Variants in LCLAT1 observed in about 807,000 individuals in gnomAD.
LCLAT1 encodes lysocardiolipin acyltransferase 1, also known as 1-AGP acyltransferase 8.
In LCLAT1, 11 loss-of-function variants were observed where a neutral mutation model predicts 30.7. That is an observed-to-expected ratio of 0.36 (90% CI 0.23 to 0.59). LCLAT1 has a LOEUF of 0.59. LCLAT1 is among the 20% of genes least tolerant of loss of function. LCLAT1 has a pLI of 0.77. For missense variants in LCLAT1, 402 were observed against 458.6 expected, an observed-to-expected ratio of 0.88 and a Z score of 1.13; for synonymous variants, 155 against 151.3, an observed-to-expected ratio of 1.02 and a Z score of -0.18.
At chr2:30,539,547 A>T (rs1370615559) in intron 3 of LCLAT1, among the ~76,000 whole-genome samples, 1 of 152,130 alleles carries the variant, frequency 6.6e-6, no homozygotes, top group Non-Finnish European at 1.5e-5. Context: ...TCTTCAACTT[A>T]TTTAAGAACA....
At chr2:30,596,410 T>C (rs183636452) in intron 5 of LCLAT1, among the ~76,000 whole-genome samples, 3 of 152,300 alleles carry the variant, frequency 2.0e-5, no homozygotes, top group Admixed American at 6.5e-5. Context: ...GAGCTTTTTT[T>C]CATAAGTTTA....
chr2:30,499,870 A>T (rs993823458), intron 1 of LCLAT1, among the ~76,000 whole-genome samples: 1 of 152,214 alleles, frequency 6.6e-6, no homozygotes, highest in African/African-American at 2.4e-5. Flanking sequence ...TATTAATGGT[A>T]AGAATGTGCT....
chr2:30,640,431 T>G lies in LCLAT1; in HGVS notation c.943T>G (p.Trp315Gly). The change falls in exon 6 of 6, where the codon TGG becomes GGG. Residue 315 changes from tryptophan to glycine, a missense_variant. Coordinates refer to ENST00000379509, the MANE Select transcript of LCLAT1 (RefSeq NM_001002257.3). ...GGTCAAATTGCTCTCTATACTGTAT[T>G]GGACCCTGTTCAGCCCTGCAATGTG... is the stretch of plus-strand genomic sequence containing the variant. ...LVVKLLSILY[W>G]TLFSPAMCLL... is the part of the protein sequence containing the mutation. 1 of 1,614,244 alleles carries G rather than the reference T, an allele frequency of 6.2e-7. No individual in the cohort carries two copies. Among genetic ancestry groups the G allele is most frequent in the Non-Finnish European group, 8.5e-7 (1 of 1,180,042 alleles).
intron 1 of LCLAT1, among the ~76,000 whole-genome samples, chr2:30,452,864 C>G (rs1461034605): frequency 6.6e-6 from 1 of 152,040 alleles, no homozygotes; most frequent in African/African-American, 2.4e-5. Flanking sequence ...ACACCTTTAC[C>G]TTGTCCTCTG....
intron 1 of LCLAT1, among the ~76,000 whole-genome samples, chr2:30,488,030 T>C (rs866284231): frequency 6.6e-6 from 1 of 152,204 alleles, no homozygotes; most frequent in Non-Finnish European, 1.5e-5. Context: ...AATGTGTGGA[T>C]TTTATGGTAT....
Position 30,562,229 on chromosome 2 carries a change from T to G in LCLAT1, c.448T>G (p.Tyr150Asp). 1 of 1,613,160 alleles carries G rather than the reference T, an allele frequency of 6.2e-7. No homozygotes were observed. ...DKSHFEDMID[Y>D]FCDIHEPLQL... ...GAGCCATTTCGAAGACATGATTGATTACTTTTGTGATATTCACGAACCACT... is the reference window on the plus strand; with the variant it reads ...GAGCCATTTCGAAGACATGATTGATGACTTTTGTGATATTCACGAACCACT... The change falls in exon 4 of 6, where the codon TAC becomes GAC. Residue 150 changes from tyrosine to aspartate, a missense_variant. Transcript: ENST00000379509.
At chr2:30,490,547 A>G (rs1438706760) in intron 1 of LCLAT1, among the ~76,000 whole-genome samples, 1 of 152,174 alleles carries the variant, frequency 6.6e-6, no homozygotes, top group East Asian at 1.9e-4. Flanking sequence ...AGGACTCAAA[A>G]AAGGAAATTT....
chr2:30,500,112 G>GA (rs1684303328), intron 1 of LCLAT1, among the ~76,000 whole-genome samples: 1 of 152,102 alleles, frequency 6.6e-6, no homozygotes, highest in African/African-American at 2.4e-5. Flanking sequence ...CATTTACACC[G>GA]AATTCCATGG....
chr2:30,453,574 G>A (rs1041867530), intron 1 of LCLAT1, among the ~76,000 whole-genome samples: 5 of 152,174 alleles, frequency 3.3e-5, no homozygotes, highest in South Asian at 2.1e-4. Context: ...GACTAAACTC[G>A]ATCATTTTTG....
chr2:30,622,754 G>A (rs1668324619), intron 5 of LCLAT1, among the ~76,000 whole-genome samples: 2 of 152,146 alleles, frequency 1.3e-5, no homozygotes, highest in Admixed American at 6.5e-5. Flanking sequence ...AGGGGAAGGG[G>A]GAGAGCACCA....
Position 30,626,211 on chromosome 2 carries a change from A to C in LCLAT1, c.629-13906A>C, listed in dbSNP as rs76447074. 5.0e-3 allele frequency among the ~76,000 whole-genome samples: 763 copies of C among 152,330 alleles called. 6 individuals carry two copies. Among genetic ancestry groups the C allele is most frequent in the African/African-American group, 0.018 (738 of 41,566 alleles). On this transcript the variant is annotated intron_variant, in intron 5 of 5. Coordinates refer to ENST00000379509, the MANE Select transcript of LCLAT1 (RefSeq NM_001002257.3). The stretch of plus-strand genomic sequence containing the variant: ...AGACCAGCAAATTAGTAGATTATGC[A>C]CATGCTCATGCCTCTTTTAGGCTTT...
intron 5 of LCLAT1, among the ~76,000 whole-genome samples, chr2:30,601,773 A>G (rs1036250521): frequency 2.6e-5 from 4 of 152,072 alleles, no homozygotes; most frequent in Non-Finnish European, 5.9e-5. Context: ...TAAATGTTGT[A>G]TATAAGTTCT....
At chr2:30,614,876 G>C (rs969667869) in intron 5 of LCLAT1, among the ~76,000 whole-genome samples, 2 of 152,144 alleles carry the variant, frequency 1.3e-5, no homozygotes, top group African/African-American at 2.4e-5. Context: ...GAAGACTTCA[G>C]AGTGGCCTGT....
intron 5 of LCLAT1, among the ~76,000 whole-genome samples, chr2:30,594,762 G>A (rs1387820214): frequency 6.6e-6 from 1 of 152,130 alleles, no homozygotes; most frequent in African/African-American, 2.4e-5. Flanking sequence ...ATGAAACAAT[G>A]CATAATTAAT....
intron 5 of LCLAT1, among the ~76,000 whole-genome samples, chr2:30,602,877 G>GATAAGAAGATGTCTAGAAAT (rs1667257979): frequency 6.6e-6 from 1 of 152,058 alleles, no homozygotes; most frequent in Non-Finnish European, 1.5e-5. Flanking sequence ...TTTAGACAAA[G>GATAAGAAGATGTCTAGAAAT]ATAAGAAGAT....
At chr2:30,507,982 T>G (rs7563318) in intron 1 of LCLAT1, among the ~76,000 whole-genome samples, 3,678 of 152,278 alleles carry the variant, frequency 0.024, 140 homozygotes, top group African/African-American at 0.083. Context: ...GTAATAGCCA[T>G]TCTGACTGGT....
intron 1 of LCLAT1, among the ~76,000 whole-genome samples, chr2:30,513,338 G>A (rs1685028398): frequency 1.3e-5 from 2 of 151,696 alleles, no homozygotes; most frequent in Non-Finnish European, 2.9e-5. Flanking sequence ...ATATAAGTCA[G>A]CACAAGTTAA....
chr2:30,477,961 G>T (rs1480258542), intron 1 of LCLAT1, among the ~76,000 whole-genome samples: 2 of 151,276 alleles, frequency 1.3e-5, no homozygotes, highest in Non-Finnish European at 2.9e-5. Context: ...TTTTCTAGCA[G>T]TGAAAAATCT....
intron 1 of LCLAT1, among the ~76,000 whole-genome samples, chr2:30,480,537 T>C (rs1194218037): frequency 1.3e-5 from 2 of 152,178 alleles, no homozygotes; most frequent in African/African-American, 4.8e-5. Flanking sequence ...AAAATGACAG[T>C]ATCAATTTAT....
Sources: gnomAD v4.1 joint callset for allele counts (sites outside exome capture counted in the v4.1 genomes callset) on GRCh38, gnomAD v4.1.1 for gene constraint, MANE v1.5 for transcripts, NCBI Gene and HGNC (gene_info 2026-07-23, HGNC 2026-07-21) for gene names.